The following ADAMTS20 variants were observed in gnomAD, a reference collection of about 807,000 sequenced individuals.
ADAMTS20 encodes A disintegrin and metalloproteinase with thrombospondin motifs 20.
A neutral mutation model predicts 260.1 loss-of-function variants in ADAMTS20; 225 were observed. The ratio of observed to expected loss-of-function variants is 0.87; its 90% confidence interval spans 0.78 to 0.97. The LOEUF (loss-of-function observed/expected upper bound fraction) is 0.97, where lower values mean the gene tolerates loss of function less well. Ranked by LOEUF, ADAMTS20 falls within the 50% of genes least tolerant of loss-of-function variation. ADAMTS20 has a pLI of 0.00. For synonymous variants in ADAMTS20, 802 were observed against 769.5 expected (o/e 1.04, Z -0.70); for missense variants, 2,400 against 2,337.7 (o/e 1.03, Z -0.55).
At chr12:43,422,528 C>T (rs1941256065) in intron 28 of ADAMTS20, among the ~76,000 whole-genome samples, 1 of 151,864 alleles carries the variant, frequency 6.6e-6, no homozygotes, top group Non-Finnish European at 1.5e-5. Flanking sequence ...AATAAATATG[C>T]TTCATATAAT....
At chr12:43,538,655 C>T (rs1383959881) in intron 2 of ADAMTS20, among the ~76,000 whole-genome samples, 2 of 152,144 alleles carry the variant, frequency 1.3e-5, no homozygotes, top group Admixed American at 1.3e-4. Flanking sequence ...TTTGAAGTAA[C>T]ATATATTTTA....
Position 43,427,307 on chromosome 12 carries a change from CT to C in ADAMTS20, c.4107del (p.Glu1369AspfsTer10). The C allele has an allele frequency of 6.2e-7, 1 of 1,611,062 alleles. No individual in the cohort carries two copies. The highest frequency in any genetic ancestry group is 1.7e-5 in the Admixed American group (1 of 59,206). ...CPQWNYGNWG[E>X]CSQTCGGGIK... ...CAAGTTTAGAAAATATTATGACTTA[CT>C]TCTCCCCAATTTCCGTAGTTCCACT... On this transcript the variant is annotated frameshift_variant and splice_region_variant, in exon 27 of 39. Transcript: ENST00000389420. LOFTEE classifies it high-confidence loss of function.
In ADAMTS20 at chr12:43,445,677, T is replaced by TACACACACAC. The variant is rs56762980; in HGVS notation, c.2197+908_2197+917dup. Among the ~76,000 whole-genome samples the TACACACACAC allele has an allele frequency of 8.4e-4, 125 of 148,786 alleles. 1 individual carries two copies. Among genetic ancestry groups the TACACACACAC allele is most frequent in the African/African-American group, 2.7e-3 (109 of 40,414 alleles). ...CTAGCAATACATTGAGACCCATCTC[T>TACACACACAC]ACACACACACACACACACACACAAA... On this transcript the variant is annotated intron_variant, in intron 15 of 38. Coordinates refer to ENST00000389420, the MANE Select transcript of ADAMTS20 (RefSeq NM_025003.5).
chr12:43,516,222 C>A (rs1942998033), intron 3 of ADAMTS20, among the ~76,000 whole-genome samples: 1 of 148,420 alleles, frequency 6.7e-6, no homozygotes, highest in Admixed American at 6.7e-5. Context: ...TAGGGCCAGC[C>A]AAAACCATGA....
chr12:43,427,576 C>A (rs76656243), intron 26 of ADAMTS20, 107 bp from the exon 27 acceptor site: 2 of 1,044,368 alleles, frequency 1.9e-6, no homozygotes, highest in Admixed American at 3.4e-5. Flanking sequence ...TCAAACCCTA[C>A]ATTAGAATCT....
At position 43,379,413 on chromosome 12, in the gene ADAMTS20, A is replaced by G. The variant is rs142702834; in HGVS notation, c.4798-1851T>C. Among the ~76,000 whole-genome samples the G allele has an allele frequency of 4.5e-3, 688 of 152,246 alleles. 3 individuals are homozygous for G. The highest frequency in any genetic ancestry group is 0.016 in the African/African-American group (657 of 41,542). ...CGTGAACATGCATCAGATTGTACAC[A>G]TGTCCAGGTCTGTCTGCAAGCTCAG... On this transcript the variant is annotated intron_variant, in intron 31 of 38. Transcript: ENST00000389420.
At chr12:43,405,371 T>C (rs1327610701) in intron 28 of ADAMTS20, among the ~76,000 whole-genome samples, 2 of 146,814 alleles carry the variant, frequency 1.4e-5, no homozygotes, top group East Asian at 4.0e-4. Flanking sequence ...TGAGCCATGA[T>C]CACCCCACTG....
chr12:43,448,455 C>T (rs371453272), intron 14 of ADAMTS20, among the ~76,000 whole-genome samples: 44 of 152,044 alleles, frequency 2.9e-4, no homozygotes, highest in Non-Finnish European at 4.6e-4. Context: ...AGACTGAAAC[C>T]GGAACCCTTC....
Position 43,492,528 on chromosome 12 carries a change from A to AT in ADAMTS20, c.1052dup (p.His351GlnfsTer2). The stretch of plus-strand genomic sequence containing the variant: ...ACCTAGTGATAAGAACAGCAGTGTC[A>AT]TGGTGGGAAGGGTGAACATCATCAA... On this transcript the variant is annotated frameshift_variant, in exon 6 of 39. Coordinates refer to ENST00000389420, the MANE Select transcript of ADAMTS20 (RefSeq NM_025003.5). LOFTEE classifies it high-confidence loss of function. 6.2e-7 allele frequency: 1 copy of AT among 1,613,906 alleles called. No individual in the cohort carries two copies. The highest frequency in any genetic ancestry group is 8.5e-7 in the Non-Finnish European group (1 of 1,179,824).
At chr12:43,445,050 A>C (rs1941735910) in intron 15 of ADAMTS20, among the ~76,000 whole-genome samples, 1 of 152,118 alleles carries the variant, frequency 6.6e-6, no homozygotes, top group South Asian at 2.1e-4. Context: ...CACTACTTTT[A>C]CTATTTATAT....
At chr12:43,508,673 T>G (rs1220182319) in intron 3 of ADAMTS20, among the ~76,000 whole-genome samples, 1 of 152,142 alleles carries the variant, frequency 6.6e-6, no homozygotes, top group Non-Finnish European at 1.5e-5. Context: ...CATGAGATAT[T>G]TTGATAGAGG....
At chr12:43,452,828 T>C in intron 12 of ADAMTS20, 133 bp from the exon 13 acceptor site, 1 of 783,070 alleles carries the variant, frequency 1.3e-6, no homozygotes, top group East Asian at 2.8e-5. Flanking sequence ...CAGAAGTATG[T>C]AACATGAGTT....
At chr12:43,354,805 G>A (rs1359965118) in intron 38 of ADAMTS20, among the ~76,000 whole-genome samples, 3 of 152,142 alleles carry the variant, frequency 2.0e-5, no homozygotes, top group Non-Finnish European at 4.4e-5. Flanking sequence ...CTGGAGAAAA[G>A]TATAGAAGGT....
chr12:43,363,444 C>T (rs930783342), intron 37 of ADAMTS20, among the ~76,000 whole-genome samples: 10 of 152,088 alleles, frequency 6.6e-5, no homozygotes, highest in African/African-American at 2.2e-4. Context: ...ACTGGTAAGG[C>T]AGACACTCCA....
Position 43,551,474 on chromosome 12 carries a change from G to C in ADAMTS20, c.92-204C>G, listed in dbSNP as rs961920436. 6.6e-6 allele frequency among the ~76,000 whole-genome samples: 1 copy of C among 151,906 alleles called. No homozygotes were observed. On this transcript the variant is annotated intron_variant, in intron 1 of 38. Transcript: ENST00000389420. This position sits in a 1 kb window ranked among gnomAD's most constrained non-coding sequence, Gnocchi z 4.6. The stretch of plus-strand genomic sequence containing the variant: ...CTCTGCTTTCCCACACCCCCAACTT[G>C]CCCTACCCTCCCCAAGCAAAGACCC...
chr12:43,375,398 G>A lies in ADAMTS20; in HGVS notation c.5427C>T (p.Leu1809=), dbSNP rs773986548. The A allele has an allele frequency of 1.9e-6, 3 of 1,613,084 alleles. No homozygotes were observed. The highest frequency in any genetic ancestry group is 2.5e-6 in the Non-Finnish European group (3 of 1,179,674). ...YTVFSKIRID[L]TSMQIKTTDL... is the part of the protein sequence containing the mutation. ...ACTTACTTTTAATTTGCATGGAAGT[G>A]AGATCAATTCTTATTTTGCTGAAAA... Residue 1809 remains leucine, a synonymous_variant, in exon 36 of 39, where the codon CTC becomes CTT. Transcript: ENST00000389420.
chr12:43,535,897 T>C (rs1434458094), intron 2 of ADAMTS20, among the ~76,000 whole-genome samples: 1 of 152,010 alleles, frequency 6.6e-6, no homozygotes, highest in Non-Finnish European at 1.5e-5. Context: ...TGAAGGGAAA[T>C]GTTTAGCCAT....
At chr12:43,400,011 T>C (rs1055712830) in intron 28 of ADAMTS20, among the ~76,000 whole-genome samples, 1 of 151,990 alleles carries the variant, frequency 6.6e-6, no homozygotes, top group Non-Finnish European at 1.5e-5. Flanking sequence ...TTTTTTTTCA[T>C]TTATAAAACA....
rs531746164 is a variant in ADAMTS20, at chr12:43,423,403, T to C, written c.4284+2111A>G. 14 of 251,928 alleles carry C rather than the reference T, an allele frequency of 5.6e-5. 1 individual carries two copies. In the East Asian group the frequency reaches 1.1e-3, roughly 19 times the overall value. 15.6% of individuals were successfully genotyped at this position (251,928 alleles called of 1,614,324 possible). On this transcript the variant is annotated intron_variant, in intron 28 of 38. Transcript: ENST00000389420. Reference sequence around the variant, plus strand: ...ACTTAATTTTAATTGCTTCAATATCTAATATAAAGCATGAGACCTAAGTAA... The same window carrying C: ...ACTTAATTTTAATTGCTTCAATATCCAATATAAAGCATGAGACCTAAGTAA...
Sources: gnomAD v4.1 joint callset for allele counts (sites outside exome capture counted in the v4.1 genomes callset) on GRCh38, gnomAD v4.1.1 for gene constraint, Gnocchi (gnomAD v3.1) non-coding constraint, MANE v1.5 for transcripts, NCBI Gene and HGNC (gene_info 2026-07-23, HGNC 2026-07-21) for gene names.